The following ZDHHC14 variants were observed in gnomAD, a reference collection of about 807,000 sequenced individuals.
The protein encoded by ZDHHC14 is palmitoyltransferase ZDHHC14.
In ZDHHC14, 16 loss-of-function variants were observed where a neutral mutation model predicts 47.7. The ratio of observed to expected loss-of-function variants is 0.34; its 90% confidence interval spans 0.23 to 0.51. The LOEUF (loss-of-function observed/expected upper bound fraction) is 0.51. ZDHHC14 is among the 20% of genes least tolerant of loss of function. The pLI is 0.97. For missense variants in ZDHHC14, 515 were observed against 662.5 expected (o/e 0.78, Z 2.44); for synonymous variants, 293 against 278.9 (o/e 1.05, Z -0.50).
At chr6:157,528,425 A>G (rs886066723) in intron 1 of ZDHHC14, among the ~76,000 whole-genome samples, 1 of 152,102 alleles carries the variant, frequency 6.6e-6, no homozygotes, top group African/African-American at 2.4e-5. Context: ...GTGGGCATTA[A>G]TCAATTAATT....
At chr6:157,530,433 C>G (rs1039917819) in intron 1 of ZDHHC14, among the ~76,000 whole-genome samples, 2 of 152,172 alleles carry the variant, frequency 1.3e-5, no homozygotes, top group East Asian at 1.9e-4. Flanking sequence ...TGCTGTGTCC[C>G]TTTAGAGAAG....
intron 2 of ZDHHC14, among the ~76,000 whole-genome samples, chr6:157,546,110 G>GC (rs1399148504): frequency 6.6e-6 from 1 of 152,204 alleles, no homozygotes; most frequent in African/African-American, 2.4e-5. Flanking sequence ...TGGGACCGCT[G>GC]CCTGCCAGCT....
At chr6:157,402,427 G>C (rs1583614905) in intron 1 of ZDHHC14, among the ~76,000 whole-genome samples, 1 of 152,016 alleles carries the variant, frequency 6.6e-6, no homozygotes, top group East Asian at 1.9e-4. Context: ...CATCTGCTGA[G>C]GTCACAACTG....
intron 1 of ZDHHC14, among the ~76,000 whole-genome samples, chr6:157,535,503 T>C (rs1781516421): frequency 6.6e-6 from 1 of 152,234 alleles, no homozygotes; most frequent in Non-Finnish European, 1.5e-5. Context: ...CAAATGGGTA[T>C]GTGGAGTTCT....
intron 1 of ZDHHC14, among the ~76,000 whole-genome samples, chr6:157,492,005 C>A (rs34668715): frequency 6.6e-6 from 1 of 152,214 alleles, no homozygotes; most frequent in Non-Finnish European, 1.5e-5. Flanking sequence ...CCAGGGAAGC[C>A]GGGGCTCCCC....
intron 1 of ZDHHC14, among the ~76,000 whole-genome samples, chr6:157,384,399 C>T (rs1476604112): frequency 2.0e-5 from 3 of 152,198 alleles, no homozygotes; most frequent in Non-Finnish European, 4.4e-5. Flanking sequence ...CAAAAGTCCT[C>T]ACTAGCAGGT....
At chr6:157,529,890 A>C (rs1036589790) in intron 1 of ZDHHC14, among the ~76,000 whole-genome samples, 2 of 152,212 alleles carry the variant, frequency 1.3e-5, no homozygotes, top group Non-Finnish European at 2.9e-5. Context: ...CTTATTAGCT[A>C]AACCAGGCTC....
chr6:157,418,190 G>A (rs897994888), intron 1 of ZDHHC14, among the ~76,000 whole-genome samples: 4 of 152,276 alleles, frequency 2.6e-5, no homozygotes, highest in East Asian at 1.9e-4. Context: ...TGTCCCACGC[G>A]TGTCTTATGG....
At chr6:157,414,038 G>C (rs781000193) in intron 1 of ZDHHC14, among the ~76,000 whole-genome samples, 20 of 152,136 alleles carry the variant, frequency 1.3e-4, no homozygotes, top group Non-Finnish European at 2.5e-4. Flanking sequence ...CTGGGTTCAA[G>C]CGATTCTCCT....
chr6:157,598,495 A>AT (rs1475371427), intron 3 of ZDHHC14, among the ~76,000 whole-genome samples: 3 of 152,208 alleles, frequency 2.0e-5, no homozygotes, highest in Non-Finnish European at 4.4e-5. Flanking sequence ...CCCAGGGATC[A>AT]TTATTAAGAG....
chr6:157,382,344 C>T (rs1777231348), intron 1 of ZDHHC14, 78 bp downstream of exon 1: 1 of 1,529,658 alleles, frequency 6.5e-7, no homozygotes, highest in Admixed American at 2.1e-5. Flanking sequence ...GGGCTGCTTT[C>T]GTTTTCTAGA....
chr6:157,561,718 G>A (rs1056971513), intron 2 of ZDHHC14, among the ~76,000 whole-genome samples: 2 of 152,204 alleles, frequency 1.3e-5, no homozygotes, highest in Non-Finnish European at 2.9e-5. Flanking sequence ...CTGGAGTGCA[G>A]TGGCGTGATC....
chr6:157,539,008 AG>A (rs1055865419), intron 1 of ZDHHC14, among the ~76,000 whole-genome samples: 1 of 152,138 alleles, frequency 6.6e-6, no homozygotes, highest in Non-Finnish European at 1.5e-5. Context: ...TTCATTTGGT[AG>A]GAACGGCGGA....
At chr6:157,594,323 C>T (rs1403731645) in intron 3 of ZDHHC14, among the ~76,000 whole-genome samples, 1 of 152,164 alleles carries the variant, frequency 6.6e-6, no homozygotes, top group Admixed American at 6.5e-5. Flanking sequence ...TTCAGCCTTG[C>T]CTCCCCAACA....
Position 157,384,750 on chromosome 6 carries a change from A to G in ZDHHC14, c.245+2484A>G, listed in dbSNP as rs143770511. ...ATAAATTAAATAACCAATTTGACCA[A>G]ATTAATTTGCTAGAGACCAAAGAAC... On this transcript the variant is annotated intron_variant, in intron 1 of 8. Transcript: ENST00000359775. Among the ~76,000 whole-genome samples, 757 of 152,242 alleles carry G rather than the reference A, an allele frequency of 5.0e-3. 7 individuals carry two copies. The highest frequency in any genetic ancestry group is 0.017 in the African/African-American group (725 of 41,536).
chr6:157,563,911 T>G (rs1433387526), intron 2 of ZDHHC14, among the ~76,000 whole-genome samples: 1 of 152,164 alleles, frequency 6.6e-6, no homozygotes, highest in East Asian at 1.9e-4. Context: ...CTGAATTCAG[T>G]CATCCCCAAA....
chr6:157,416,974 T>TTG (rs1192356275), intron 1 of ZDHHC14, among the ~76,000 whole-genome samples: 6 of 97,216 alleles, frequency 6.2e-5, no homozygotes, highest in Non-Finnish European at 1.1e-4. Flanking sequence ...CCTGGCTAGT[T>TTG]TTTTTTTTTT....
chr6:157,432,259 G>C lies in ZDHHC14; in HGVS notation c.245+49993G>C, dbSNP rs558394550. On this transcript the variant is annotated intron_variant, in intron 1 of 8. Transcript: ENST00000359775. ...TGGAAAACATTTCCAGCAAAAAGAGGAAAGAACCTTATCTTGCTCATCTTT... is the reference window on the plus strand; with the variant it reads ...TGGAAAACATTTCCAGCAAAAAGAGCAAAGAACCTTATCTTGCTCATCTTT... 1.3e-4 allele frequency among the ~76,000 whole-genome samples: 20 copies of C among 152,300 alleles called. 1 individual carries two copies. The South Asian group carries it at 3.9e-3, about 30-fold the overall frequency.
chr6:157,641,697 C>G (rs567649285), intron 5 of ZDHHC14, among the ~76,000 whole-genome samples: 5 of 152,298 alleles, frequency 3.3e-5, no homozygotes, highest in Admixed American at 6.5e-5. Flanking sequence ...TGAACACAAT[C>G]TGTCAATCTC....
Sources: allele counts gnomAD v4.1 joint callset (sites outside exome capture counted in the v4.1 genomes callset), GRCh38; gene constraint gnomAD v4.1.1; transcripts MANE v1.5; gene names NCBI Gene and HGNC (gene_info 2026-07-23, HGNC 2026-07-21).